Variants in GPR149 observed in about 807,000 individuals in gnomAD.
GPR149 encodes the protein G protein-coupled receptor 149.
In GPR149, 50 loss-of-function variants were observed where a neutral mutation model predicts 50.2. That is an observed-to-expected ratio of 1.00 (90% CI 0.79 to 1.26). GPR149 has a LOEUF of 1.26. Among genes scored for constraint, GPR149 ranks in the 50% most tolerant of loss-of-function variants. The pLI, the probability that GPR149 is intolerant of heterozygous loss-of-function variation, is 0.00. For missense variants in GPR149, 983 were observed against 895.4 expected, an observed-to-expected ratio of 1.10 and a Z score of -1.25; for synonymous variants, 405 against 358.2, an observed-to-expected ratio of 1.13 and a Z score of -1.48.
chr3:154,362,051 TA>T (rs547908172), intron 3 of GPR149, among the ~76,000 whole-genome samples: 2 of 152,076 alleles, frequency 1.3e-5, no homozygotes, highest in African/African-American at 4.8e-5. Context: ...TAGAATATCC[TA>T]AAAAAGACAG....
At chr3:154,419,348 A>G (rs558556330) in intron 3 of GPR149, among the ~76,000 whole-genome samples, 36 of 152,046 alleles carry the variant, frequency 2.4e-4, no homozygotes, top group Non-Finnish European at 4.9e-4. Context: ...AGTTATAGTT[A>G]TTTGACCCTA....
intron 3 of GPR149, among the ~76,000 whole-genome samples, chr3:154,403,712 A>G (rs1711604788): frequency 6.6e-6 from 1 of 152,094 alleles, no homozygotes; most frequent in Non-Finnish European, 1.5e-5. Context: ...CGCATGTGGT[A>G]TTCTATTGTA....
chr3:154,388,477 T>C (rs1715095290), intron 3 of GPR149, among the ~76,000 whole-genome samples: 1 of 152,146 alleles, frequency 6.6e-6, no homozygotes, highest in Non-Finnish European at 1.5e-5. Flanking sequence ...ACTGTTCTCT[T>C]AGCTACTATT....
intron 3 of GPR149, among the ~76,000 whole-genome samples, chr3:154,394,190 C>A (rs889740863): frequency 3.3e-5 from 5 of 151,948 alleles, no homozygotes. Context: ...GTAATTTAAA[C>A]GATATAGTAC....
chr3:154,383,718 G>C (rs570350096), intron 3 of GPR149, among the ~76,000 whole-genome samples: 1 of 152,192 alleles, frequency 6.6e-6, no homozygotes, highest in Admixed American at 6.5e-5. Context: ...CTGGATGTTT[G>C]TGTCCCCCCA....
chr3:154,421,129 T>C lies in GPR149; in HGVS notation c.1533A>G (p.Pro511=). 6.2e-7 allele frequency: 1 copy of C among 1,613,428 alleles called. No individual in the cohort carries two copies. Among genetic ancestry groups the C allele is most frequent in the Non-Finnish European group, 8.5e-7 (1 of 1,179,538 alleles). The stretch of plus-strand genomic sequence containing the variant: ...TCTCTTCATGAGACAGTCTTCTTTC[T>C]GGCCCTTCAGAAAAGGTAGTTTCTT... ...NYEETTFSEG[P]ERRLSHEESQ... is the part of the protein sequence containing the mutation. Residue 511 remains proline, a synonymous_variant, in exon 3 of 4, where the codon CCA becomes CCG. Coordinates refer to ENST00000389740, the MANE Select transcript of GPR149 (RefSeq NM_001038705.3).
chr3:154,400,025 T>C (rs893713471), intron 3 of GPR149, among the ~76,000 whole-genome samples: 11 of 152,176 alleles, frequency 7.2e-5, no homozygotes, highest in Admixed American at 1.3e-4. Context: ...CTCACTCTGT[T>C]GCCCAGGCTG....
intron 3 of GPR149, among the ~76,000 whole-genome samples, chr3:154,343,836 G>A (rs1418277352): frequency 6.6e-6 from 1 of 151,934 alleles, no homozygotes; most frequent in African/African-American, 2.4e-5. Context: ...AATTAGGTGG[G>A]CATGGTAGTG....
rs1202335218 is a variant in GPR149, at chr3:154,428,741, T to C, written c.875A>G (p.Asn292Ser). The stretch of plus-strand genomic sequence containing the variant: ...CCTGGTGCCATAGAGAGTCCCCCGG[T>C]TCTCACGCCTGCAGGCTTCAGCCCC... ...AAGAEACRRE[N>S]RGTLYGTRSF... Residue 292 changes from asparagine (N) to serine (S), a missense_variant, in exon 1 of 4, where the codon AAC becomes AGC. Asn to Ser is a conservative substitution (Grantham distance 46). Coordinates refer to ENST00000389740, the MANE Select transcript of GPR149 (RefSeq NM_001038705.3). The C allele has an allele frequency of 1.2e-6, 2 of 1,614,048 alleles. No individual in the cohort carries two copies. Among genetic ancestry groups the C allele is most frequent in the East Asian group, 4.5e-5 (2 of 44,858 alleles).
In GPR149 at chr3:154,410,498, C is replaced by T. The variant is rs542040067; in HGVS notation, c.1623+10541G>A. On this transcript the variant is annotated intron_variant, in intron 3 of 3. Coordinates refer to ENST00000389740, the MANE Select transcript of GPR149 (RefSeq NM_001038705.3). ...CCATCTTCAGGAGACTCGCCTAACA[C>T]GTAAGGATTCACATGGACACCAAAA... 1.6e-4 allele frequency among the ~76,000 whole-genome samples: 24 copies of T among 151,814 alleles called. No individual in the cohort carries two copies. In the South Asian group the frequency reaches 1.7e-3, roughly 10 times the overall value.
chr3:154,408,564 C>T lies in GPR149; in HGVS notation c.1623+12475G>A, dbSNP rs149032986. ...GAGGCCTGTGACTGTTGACTTTCCC[C>T]CACTTTCCTGGTGACCTGTGTGACT... On this transcript the variant is annotated intron_variant, in intron 3 of 3. Coordinates refer to ENST00000389740, the MANE Select transcript of GPR149 (RefSeq NM_001038705.3). Among the ~76,000 whole-genome samples the T allele has an allele frequency of 4.4e-3, 664 of 152,252 alleles. 2 individuals carry two copies. Among genetic ancestry groups the T allele is most frequent in the Middle Eastern group, 0.02 (6 of 294 alleles).
chr3:154,343,755 T>A (rs1713857062), intron 3 of GPR149, among the ~76,000 whole-genome samples: 1 of 152,064 alleles, frequency 6.6e-6, no homozygotes, highest in Admixed American at 6.6e-5. Flanking sequence ...AGAAGTAGAA[T>A]CACGTGAGCC....
chr3:154,410,959 T>C (rs1212521161), intron 3 of GPR149, among the ~76,000 whole-genome samples: 3 of 152,084 alleles, frequency 2.0e-5, no homozygotes, highest in African/African-American at 7.2e-5. Context: ...CAAGTCTCAG[T>C]AAATTTAAGA....
intron 3 of GPR149, among the ~76,000 whole-genome samples, chr3:154,366,436 A>G (rs1008121994): frequency 1.3e-5 from 2 of 152,220 alleles, no homozygotes; most frequent in Admixed American, 6.5e-5. Flanking sequence ...GGAAATTTGC[A>G]TCTGTAGACA....
chr3:154,348,498 T>C (rs1319305276), intron 3 of GPR149, among the ~76,000 whole-genome samples: 1 of 152,098 alleles, frequency 6.6e-6, no homozygotes, highest in African/African-American at 2.4e-5. Context: ...AAGAAAGTTA[T>C]CAGAGACAGG....
chr3:154,340,081 C>A (rs529650562), intron 3 of GPR149, among the ~76,000 whole-genome samples: 1 of 151,972 alleles, frequency 6.6e-6, no homozygotes, highest in African/African-American at 2.4e-5. Context: ...CATGAGCCAC[C>A]GTGCCCGGCC....
chr3:154,378,512 T>G (rs1714846595), intron 3 of GPR149, among the ~76,000 whole-genome samples: 1 of 152,200 alleles, frequency 6.6e-6, no homozygotes, highest in African/African-American at 2.4e-5. Context: ...TAGGGACACA[T>G]GTTTTTAATT....
chr3:154,370,742 T>C (rs1371429895), intron 3 of GPR149, among the ~76,000 whole-genome samples: 4 of 152,040 alleles, frequency 2.6e-5, no homozygotes, highest in Admixed American at 2.6e-4. Context: ...TCAGTTTTAA[T>C]CTCCTGCCCT....
Position 154,383,045 on chromosome 3 carries a change from A to T in GPR149, c.1623+37994T>A, listed in dbSNP as rs577647806. 2.0e-5 allele frequency among the ~76,000 whole-genome samples: 3 copies of T among 152,294 alleles called. No homozygotes were observed. In the South Asian group the frequency reaches 6.2e-4, roughly 32 times the overall value. ...GAATGAAGTGAGGGCAGCCTAGGACATAGTGCCTGTGTCCATTGCTGGGGC... is the reference window on the plus strand; with the variant it reads ...GAATGAAGTGAGGGCAGCCTAGGACTTAGTGCCTGTGTCCATTGCTGGGGC... On this transcript the variant is annotated intron_variant, in intron 3 of 3. Transcript: ENST00000389740.
Sources: allele counts gnomAD v4.1 joint callset (sites outside exome capture counted in the v4.1 genomes callset), GRCh38; gene constraint gnomAD v4.1.1; transcripts MANE v1.5; gene names NCBI Gene and HGNC (gene_info 2026-07-23, HGNC 2026-07-21).